Variants in VPS13A observed in about 807,000 individuals in gnomAD.
VPS13A encodes the protein intermembrane lipid transfer protein VPS13A.
VPS13A carries 264 observed loss-of-function variants against 390.9 expected under a neutral mutation model. The observed-to-expected ratio is 0.68, with a 90% CI of 0.61 to 0.75. The LOEUF (loss-of-function observed/expected upper bound fraction) is 0.75, where lower values mean the gene tolerates loss of function less well. Ranked by LOEUF, VPS13A falls within the 30% of genes least tolerant of loss-of-function variation. The probability of loss-of-function intolerance (pLI) is 0.00; values close to 1 mark genes in which losing one functional copy is unlikely to be tolerated. For synonymous variants in VPS13A, 1,231 were observed against 1,227.1 expected, an observed-to-expected ratio of 1.00 and a Z score of -0.07; for missense variants, 3,409 against 3,733.9, an observed-to-expected ratio of 0.91 and a Z score of 2.27.
intron 1 of VPS13A, 103 bp from the exon 2 acceptor site, chr9:77,199,842 A>C: frequency 2.2e-6 from 2 of 895,964 alleles, no homozygotes; most frequent in South Asian, 3.3e-5. Flanking sequence ...TATGCACATT[A>C]TTTATATATT....
At chr9:77,282,385 T>G in intron 29 of VPS13A, 111 bp downstream of exon 29, 1 of 1,014,796 alleles carries the variant, frequency 9.9e-7, no homozygotes, top group Non-Finnish European at 1.4e-6. Flanking sequence ...CAGAATTCTG[T>G]TGCCTAGGTT....
At chr9:77,209,023 C>T (rs1825829600) in intron 5 of VPS13A, among the ~76,000 whole-genome samples, 1 of 152,190 alleles carries the variant, frequency 6.6e-6, no homozygotes, top group African/African-American at 2.4e-5. Flanking sequence ...CTGTTTTACA[C>T]ATCTATACAC....
At chr9:77,391,405 A>G (rs765037852) in intron 68 of VPS13A, among the ~76,000 whole-genome samples, 17 of 152,320 alleles carry the variant, frequency 1.1e-4, no homozygotes, top group Admixed American at 2.6e-4. Context: ...GCAAAATCAG[A>G]TTAGAGGCCT....
intron 65 of VPS13A, 89 bp from the exon 66 acceptor site, chr9:77,370,801 G>T (rs1832707513): frequency 1.3e-6 from 2 of 1,549,548 alleles, no homozygotes; most frequent in Non-Finnish European, 1.8e-6. Flanking sequence ...ATAAAAAGCA[G>T]AACTCTGTAT....
chr9:77,340,591 A>G lies in VPS13A; in HGVS notation c.7026+41A>G, dbSNP rs1274919609. The G allele has an allele frequency of 4.3e-6, 7 of 1,609,426 alleles. No homozygotes were observed. The East Asian group carries it at 6.7e-5, about 15-fold the overall frequency. On this transcript the variant is annotated intron_variant, in intron 50 of 71. Transcript: ENST00000360280. ...TCAAAAATATACCTCTTTGGATTCT[A>G]TTTTCTCCTTGAAGTTAGATACCTA...
At chr9:77,369,050 G>A (rs1832597491) in intron 62 of VPS13A, among the ~76,000 whole-genome samples, 1 of 152,130 alleles carries the variant, frequency 6.6e-6, no homozygotes, top group Non-Finnish European at 1.5e-5. Flanking sequence ...ATAATTGCTT[G>A]AACCCGTGAG....
At chr9:77,249,012 G>A (rs1824997150) in intron 20 of VPS13A, among the ~76,000 whole-genome samples, 2 of 152,208 alleles carry the variant, frequency 1.3e-5, no homozygotes, top group Non-Finnish European at 2.9e-5. Flanking sequence ...GATTACAGGT[G>A]TGAGCCACCG....
At chr9:77,342,277 G>A (rs551074084) in intron 50 of VPS13A, among the ~76,000 whole-genome samples, 18 of 152,166 alleles carry the variant, frequency 1.2e-4, no homozygotes, top group Admixed American at 5.9e-4. Flanking sequence ...CTGAAAATAC[G>A]AAATCAAAAA....
intron 7 of VPS13A, chr9:77,211,621 G>GA (rs770076248): frequency 6.6e-6 from 1 of 152,008 alleles, no homozygotes; most frequent in African/African-American, 2.4e-5. Context: ...AACGAAAAAA[G>GA]AAAAAATGCC....
intron 1 of VPS13A, among the ~76,000 whole-genome samples, chr9:77,195,582 C>A (rs922825070): frequency 9.9e-5 from 15 of 151,936 alleles, no homozygotes; most frequent in African/African-American, 3.6e-4. Flanking sequence ...ACTAAAAATA[C>A]AAAAATTAGC....
intron 33 of VPS13A, among the ~76,000 whole-genome samples, chr9:77,296,435 CTATT>C (rs1828005914): frequency 6.6e-6 from 1 of 152,156 alleles, no homozygotes; most frequent in African/African-American, 2.4e-5. Context: ...GAATCCTTCT[CTATT>C]TATACTTCTC....
intron 34 of VPS13A, among the ~76,000 whole-genome samples, chr9:77,304,333 T>C (rs1420190977): frequency 1.3e-5 from 2 of 152,188 alleles, no homozygotes; most frequent in Non-Finnish European, 2.9e-5. Context: ...AGCTACAAAT[T>C]AACAACATCT....
Position 77,315,437 on chromosome 9 carries a change from A to T in VPS13A, c.4597A>T (p.Thr1533Ser). 6.8e-6 allele frequency: 11 copies of T among 1,613,926 alleles called. No individual in the cohort carries two copies. The highest frequency in any genetic ancestry group is 9.3e-6 in the Non-Finnish European group (11 of 1,179,842). Residue 1533 changes from threonine (T) to serine (S), a missense_variant, in exon 38 of 72, where the codon ACC becomes TCC. Thr to Ser is a moderately conservative substitution (Grantham distance 58). Transcript: ENST00000360280. ...EAYTTGTAVE[T>S]SVQTWTAKEE... The stretch of plus-strand genomic sequence containing the variant: ...CTACACCACAGGCACTGCTGTAGAA[A>T]CCAGTGTGCAAACATGGACTGCTAA...
intron 68 of VPS13A, among the ~76,000 whole-genome samples, chr9:77,383,763 C>T (rs1833555683): frequency 1.3e-5 from 2 of 151,920 alleles, no homozygotes; most frequent in African/African-American, 2.4e-5. Context: ...ATAGGTCAGT[C>T]TCATCATTAA....
chr9:77,403,073 T>TTC (rs1834457516), intron 68 of VPS13A, among the ~76,000 whole-genome samples, 163 bp from the exon 69 acceptor site: 1 of 152,190 alleles, frequency 6.6e-6, no homozygotes, highest in African/African-American at 2.4e-5. Context: ...AGTAGATGCT[T>TTC]TTAAAAAGGA....
chr9:77,177,537 T>G lies in VPS13A; in HGVS notation c.-168T>G, dbSNP rs1823702193. ...CGCACGCGTCGTGAGAGCGACCGCC[T>G]CCGTCTCTCGCTGGGCTCGCTAGGG... On this transcript the variant is annotated 5_prime_UTR_variant, in exon 1 of 72. Coordinates refer to ENST00000360280, the MANE Select transcript of VPS13A (RefSeq NM_033305.3). 6.2e-6 allele frequency: 4 copies of G among 641,328 alleles called. No individual in the cohort carries two copies. The highest frequency in any genetic ancestry group is 2.3e-5 in the Admixed American group (1 of 43,070). 39.7% of individuals were successfully genotyped at this position (641,328 alleles called of 1,614,324 possible). A position where few individuals can be genotyped will look rare whatever the true frequency, so the allele number is the denominator to read the frequency against.
intron 57 of VPS13A, 56 bp from the exon 58 acceptor site, chr9:77,359,277 A>C (rs1279945350): frequency 6.9e-7 from 1 of 1,440,020 alleles, no homozygotes; most frequent in African/African-American, 1.4e-5. Flanking sequence ...TTGGAAGAAA[A>C]TGCCTAGCTT....
rs751974264 is a variant in VPS13A, at chr9:77,220,396, A to AT, written c.989+28dup. The AT allele has an allele frequency of 0.06, 74,916 of 1,248,652 alleles. 14 individuals carry two copies. The highest frequency in any genetic ancestry group is 0.064 in the Non-Finnish European group (58,109 of 906,084). The allele number at this position is 1,248,652 out of a possible 1,614,324, so 77.3% of individuals were successfully genotyped here. The stretch of plus-strand genomic sequence containing the variant: ...ATGCCAGAGAATGGTAAATGCCTTG[A>AT]TTTTTTTTTTTTTTTAGATTTTAAA... On this transcript the variant is annotated intron_variant, in intron 12 of 71. Transcript: ENST00000360280.
At chr9:77,260,457 G>A (rs1017433521) in intron 23 of VPS13A, among the ~76,000 whole-genome samples, 3 of 146,074 alleles carry the variant, frequency 2.1e-5, no homozygotes, top group African/African-American at 7.6e-5. Context: ...CCAGGCTCAC[G>A]CCATTCTCCT....
Sources: allele counts gnomAD v4.1 joint callset (sites outside exome capture counted in the v4.1 genomes callset), GRCh38; gene constraint gnomAD v4.1.1; transcripts MANE v1.5; gene names NCBI Gene and HGNC (gene_info 2026-07-23, HGNC 2026-07-21).